The following NHSL1 variants were observed in gnomAD, a reference collection of about 807,000 sequenced individuals.
The protein encoded by NHSL1 is NHS like 1.
Under a neutral mutation model 95.0 loss-of-function variants are expected in NHSL1, and 48 were observed. The observed-to-expected ratio is 0.51, with a 90% CI of 0.40 to 0.64. The LOEUF (loss-of-function observed/expected upper bound fraction) is 0.64. Among genes scored for constraint, NHSL1 ranks in the 30% least tolerant of loss-of-function variants. NHSL1 has a pLI of 0.00. For synonymous variants in NHSL1, 783 were observed against 833.9 expected, an observed-to-expected ratio of 0.94 and a Z score of 1.05; for missense variants, 1,971 against 2,077.7, an observed-to-expected ratio of 0.95 and a Z score of 1.00.
intron 1 of NHSL1, among the ~76,000 whole-genome samples, chr6:138,525,452 C>T (rs1329274328): frequency 1.3e-5 from 2 of 151,468 alleles, no homozygotes; most frequent in East Asian, 3.9e-4. Flanking sequence ...CGCCAGAGCC[C>T]AGGAAGTCGA....
intron 1 of NHSL1, among the ~76,000 whole-genome samples, chr6:138,622,854 T>G (rs778714844): frequency 6.6e-6 from 1 of 152,168 alleles, no homozygotes; most frequent in Non-Finnish European, 1.5e-5. Flanking sequence ...CACATTTTAG[T>G]GTGGGAGAGG....
intron 5 of NHSL1, among the ~76,000 whole-genome samples, chr6:138,437,719 G>A (rs1303103342): frequency 6.6e-6 from 1 of 152,104 alleles, no homozygotes; most frequent in Non-Finnish European, 1.5e-5. Flanking sequence ...CATGGGAGAA[G>A]GTCAAAATAT....
At chr6:138,624,861 T>A (rs1784714346) in intron 1 of NHSL1, among the ~76,000 whole-genome samples, 1 of 152,184 alleles carries the variant, frequency 6.6e-6, no homozygotes, top group African/African-American at 2.4e-5. Flanking sequence ...TTTCTTATAA[T>A]AGCTATACCT....
At position 138,429,707 on chromosome 6, in the gene NHSL1, A is replaced by G; in HGVS notation, c.4085+4T>C. The G allele has an allele frequency of 2.6e-6, 4 of 1,547,254 alleles. No homozygotes were observed. Among genetic ancestry groups the G allele is most frequent in the Non-Finnish European group, 3.5e-6 (4 of 1,145,334 alleles). ...TTAAAGTCAGAGGAAGGAGTTTGAA[A>G]TACCTGTGAATAGCTGCAAAAAGGT... On this transcript the variant is annotated splice_donor_region_variant and intron_variant, in intron 7 of 7. Coordinates refer to ENST00000343505, the MANE Select transcript of NHSL1 (RefSeq NM_001144060.2).
Position 138,496,385 on chromosome 6 carries a change from G to A in NHSL1, c.59-14C>T, listed in dbSNP as rs1266866385. The A allele has an allele frequency of 1.3e-6, 2 of 1,549,576 alleles. No individual in the cohort carries two copies. Among genetic ancestry groups the A allele is most frequent in the Non-Finnish European group, 1.7e-6 (2 of 1,146,682 alleles). On this transcript the variant is annotated splice_polypyrimidine_tract_variant and intron_variant, in intron 1 of 7. Coordinates refer to ENST00000343505, the MANE Select transcript of NHSL1 (RefSeq NM_001144060.2). ...GGTTGGAAACCGCTATAGAAAAAAA[G>A]ATAGAATACATTCAGGTGTCAACTT...
chr6:138,500,718 T>TCAA (rs1191510794), upstream of NHSL1, among the ~76,000 whole-genome samples: 1 of 152,038 alleles, frequency 6.6e-6, no homozygotes, highest in East Asian at 1.9e-4. Flanking sequence ...CTTTATTTTT[T>TCAA]CAACAACAAC....
At chr6:138,637,518 G>T (rs540943308) in intron 1 of NHSL1, among the ~76,000 whole-genome samples, 1 of 152,126 alleles carries the variant, frequency 6.6e-6, no homozygotes, top group Non-Finnish European at 1.5e-5. Context: ...TTAATAACCA[G>T]AATATGTAAG....
At chr6:138,478,144 G>C (rs1312866999) in intron 2 of NHSL1, among the ~76,000 whole-genome samples, 1 of 149,490 alleles carries the variant, frequency 6.7e-6, no homozygotes, top group East Asian at 2.0e-4. Context: ...CTTCTGAGTA[G>C]GTGGGAATAC....
chr6:138,590,901 C>T (rs1784214443), intron 1 of NHSL1, among the ~76,000 whole-genome samples: 1 of 152,200 alleles, frequency 6.6e-6, no homozygotes, highest in Non-Finnish European at 1.5e-5. Context: ...CTTTTCCTTT[C>T]CCCTCTCAAA....
At chr6:138,456,514 G>A (rs1311235242) in intron 3 of NHSL1, among the ~76,000 whole-genome samples, 1 of 152,144 alleles carries the variant, frequency 6.6e-6, no homozygotes, top group East Asian at 1.9e-4. Flanking sequence ...AAAGCCAACT[G>A]TTTACTGCCA....
At position 138,519,147 on chromosome 6, in the gene NHSL1, G is replaced by A. The variant is rs114761521; in HGVS notation, c.17-22776C>T. ...ATATAACTTTTCTGAGCACCACTGCGTAAATAAGCCTCCTCTGAATGACAC... is the reference window on the plus strand; with the variant it reads ...ATATAACTTTTCTGAGCACCACTGCATAAATAAGCCTCCTCTGAATGACAC... On this transcript the variant is annotated intron_variant, in intron 1 of 4. Coordinates refer to the NHSL1 transcript ENST00000342260. 5.0e-3 allele frequency among the ~76,000 whole-genome samples: 760 copies of A among 151,838 alleles called. 7 individuals carry two copies. Among genetic ancestry groups the A allele is most frequent in the African/African-American group, 0.017 (716 of 41,428 alleles).
intron 1 of NHSL1, among the ~76,000 whole-genome samples, chr6:138,599,610 G>A (rs1441196549): frequency 6.6e-6 from 1 of 152,186 alleles, no homozygotes. Flanking sequence ...TGGACCAAGT[G>A]TATAACCCAG....
Position 138,424,070 on chromosome 6 carries a change from C to G in NHSL1, c.*11G>C, listed in dbSNP as rs1183104820. The G allele has an allele frequency of 2.9e-6, 4 of 1,363,246 alleles. No individual in the cohort carries two copies. The South Asian group carries it at 6.2e-5, about 21-fold the overall frequency. 84.4% of individuals were successfully genotyped at this position (1,363,246 alleles called of 1,614,324 possible). A position where few individuals can be genotyped will look rare whatever the true frequency, so the allele number is the denominator to read the frequency against. ...CCCCCCGTGTCACCTGGGAGAGTTA[C>G]GTTCTTGGCCCTAACTCTCCTCGCT... On this transcript the variant is annotated 3_prime_UTR_variant, in exon 8 of 8. Coordinates refer to ENST00000343505, the MANE Select transcript of NHSL1 (RefSeq NM_001144060.2). The surrounding 1 kb of genome is among the most constrained non-coding windows in gnomAD (Gnocchi z 5.9).
intron 2 of NHSL1, among the ~76,000 whole-genome samples, chr6:138,483,134 GATATCC>G (rs1457632860): frequency 6.6e-6 from 1 of 152,198 alleles, no homozygotes; most frequent in Non-Finnish European, 1.5e-5. Flanking sequence ...GGATCAACAT[GATATCC>G]ATTTAGGGTG....
intron 1 of NHSL1, among the ~76,000 whole-genome samples, chr6:138,563,581 T>A (rs1783492060): frequency 1.3e-5 from 2 of 152,216 alleles, no homozygotes; most frequent in African/African-American, 4.8e-5. Context: ...ATAGATCGAA[T>A]TTGTAGGCTT....
intron 1 of NHSL1, among the ~76,000 whole-genome samples, chr6:138,556,044 T>C (rs1783184871): frequency 6.6e-6 from 1 of 152,124 alleles, no homozygotes; most frequent in Admixed American, 6.5e-5. Flanking sequence ...CTAACTCTAC[T>C]TGGATCCCTT....
chr6:138,446,789 T>C (rs1374497104), intron 4 of NHSL1: 1 of 553,000 alleles, frequency 1.8e-6, no homozygotes, highest in African/African-American at 1.9e-5. Flanking sequence ...ACACCAGTGT[T>C]TGGCGACATA....
At chr6:138,488,290 A>T (rs911735010) in intron 2 of NHSL1, among the ~76,000 whole-genome samples, 5 of 150,944 alleles carry the variant, frequency 3.3e-5, no homozygotes, top group Non-Finnish European at 7.4e-5. Flanking sequence ...AAAAAAAAAA[A>T]TCAGAATACC....
chr6:138,677,905 A>G (rs553625686), intron 1 of NHSL1, among the ~76,000 whole-genome samples: 2 of 152,186 alleles, frequency 1.3e-5, no homozygotes, highest in Non-Finnish European at 2.9e-5. Context: ...GCTGCTTCTG[A>G]GGCCACATTT....
Sources: allele counts gnomAD v4.1 joint callset (sites outside exome capture counted in the v4.1 genomes callset), GRCh38; gene constraint gnomAD v4.1.1; non-coding constraint Gnocchi (gnomAD v3.1); transcripts MANE v1.5; gene names NCBI Gene and HGNC (gene_info 2026-07-23, HGNC 2026-07-21).